Variants in RUFY4 observed in about 807,000 individuals in gnomAD.
RUFY4 encodes RUN and FYVE domain containing 4, also known as RUN and FYVE domain-containing protein 4.
In RUFY4, 73 loss-of-function variants were observed where a neutral mutation model predicts 69.0. The observed-to-expected ratio is 1.06, with a 90% CI of 0.88 to 1.29. The LOEUF (loss-of-function observed/expected upper bound fraction) is 1.29. Ranked by LOEUF, RUFY4 falls within the 50% of genes most tolerant of loss-of-function variation. RUFY4 has a pLI of 0.00. For synonymous variants in RUFY4, 287 were observed against 271.8 expected, an observed-to-expected ratio of 1.06 and a Z score of -0.55; for missense variants, 770 against 705.6, an observed-to-expected ratio of 1.09 and a Z score of -1.03.
intron 2 of RUFY4, among the ~76,000 whole-genome samples, chr2:218,049,491 T>C (rs1688897231): frequency 7.2e-6 from 1 of 138,318 alleles, no homozygotes; most frequent in Non-Finnish European, 1.5e-5. Flanking sequence ...TTGACTTCTT[T>C]TTTTCTTGCT....
At chr2:218,056,103 C>T (rs1476131374) in intron 2 of RUFY4, among the ~76,000 whole-genome samples, 1 of 152,206 alleles carries the variant, frequency 6.6e-6, no homozygotes, top group Non-Finnish European at 1.5e-5. Context: ...TCAGCTCACT[C>T]ACGGAATGCT....
intron 2 of RUFY4, among the ~76,000 whole-genome samples, chr2:218,044,683 G>T (rs555159569): frequency 3.3e-5 from 5 of 152,286 alleles, no homozygotes; most frequent in African/African-American, 9.6e-5. Context: ...TTATAAGTGA[G>T]AACACCAATA....
At chr2:218,083,926 C>T (rs1338912912) in intron 9 of RUFY4, among the ~76,000 whole-genome samples, 1 of 151,696 alleles carries the variant, frequency 6.6e-6, no homozygotes, top group Non-Finnish European at 1.5e-5. Context: ...AAAAAGACAC[C>T]AGGGAGAACC....
intron 8 of RUFY4, among the ~76,000 whole-genome samples, chr2:218,080,243 G>A (rs545746387): frequency 1.8e-4 from 28 of 152,300 alleles, no homozygotes; most frequent in South Asian, 1.0e-3. Context: ...GAGCAGGGGC[G>A]TTTCTCCGTC....
At position 218,053,364 on chromosome 2, in the gene RUFY4, G is replaced by GAAAA. The variant is rs1688987913; in HGVS notation, c.-1157-5228_-1157-5227insAAAA. Among the ~76,000 whole-genome samples the GAAAA allele has an allele frequency of 3.8e-5, 3 of 78,730 alleles. No individual in the cohort carries two copies. The Admixed American group carries it at 3.8e-4, about 10-fold the overall frequency. The allele number at this position is 78,730 out of a possible 152,430, so 51.6% of individuals were successfully genotyped here. ...ATTAAACCTTTTTTTTTTTTTTTTT[G>GAAAA]AAACAGGGTCTCACTTTGTCACTCA... On this transcript the variant is annotated intron_variant and NMD_transcript_variant, in intron 2 of 13. Coordinates refer to the RUFY4 transcript ENST00000457754.
exon 1 of RUFY4, chr2:218,070,560 A>G: frequency 6.6e-7 from 1 of 1,509,378 alleles, no homozygotes; most frequent in Non-Finnish European, 8.9e-7. Context: ...GTCCTTCCTG[A>G]GCTCACAGTC....
At chr2:218,077,739 T>G (rs562296461) in intron 8 of RUFY4, among the ~76,000 whole-genome samples, 1 of 151,928 alleles carries the variant, frequency 6.6e-6, no homozygotes, top group South Asian at 2.1e-4. Context: ...GGCTGTCTGC[T>G]TCGCAGGTGA....
chr2:218,051,862 ACTAC>A (rs1183430046), intron 2 of RUFY4, among the ~76,000 whole-genome samples: 1 of 152,160 alleles, frequency 6.6e-6, no homozygotes, highest in African/African-American at 2.4e-5. Context: ...AACAACAAAA[ACTAC>A]AGGAGGTTTG....
chr2:218,049,469 C>A (rs548792793), intron 2 of RUFY4, among the ~76,000 whole-genome samples: 1 of 151,766 alleles, frequency 6.6e-6, no homozygotes, highest in East Asian at 1.9e-4. Flanking sequence ...ATTGGAGCCC[C>A]TTCATATTTA....
At chr2:218,055,240 C>T (rs1267417844) in intron 2 of RUFY4, among the ~76,000 whole-genome samples, 2 of 152,014 alleles carry the variant, frequency 1.3e-5, no homozygotes, top group Non-Finnish European at 2.9e-5. Flanking sequence ...ACTAAAAATA[C>T]AAGAATTAGC....
intron 2 of RUFY4, among the ~76,000 whole-genome samples, chr2:218,071,266 C>T (rs1364860328): frequency 6.6e-6 from 1 of 152,162 alleles, no homozygotes; most frequent in Admixed American, 6.5e-5. Flanking sequence ...CTCTCGCCCT[C>T]TGAGACGCTT....
intron 3 of RUFY4, among the ~76,000 whole-genome samples, chr2:218,062,207 G>T (rs377440612): frequency 2.2e-3 from 334 of 152,194 alleles, no homozygotes; most frequent in African/African-American, 7.7e-3. Flanking sequence ...AAACCATCCT[G>T]GCTAACATGG....
At chr2:218,044,876 A>G (rs976058948) in intron 2 of RUFY4, among the ~76,000 whole-genome samples, 13 of 152,162 alleles carry the variant, frequency 8.5e-5, no homozygotes, top group African/African-American at 2.9e-4. Context: ...TGTCTTTGCT[A>G]TTGTGAATAG....
At chr2:218,048,697 C>T (rs920289110) in intron 2 of RUFY4, among the ~76,000 whole-genome samples, 6 of 151,876 alleles carry the variant, frequency 4.0e-5, no homozygotes, top group South Asian at 2.1e-4. Context: ...TTTTTTTAAT[C>T]GGTTATCTTT....
At chr2:218,088,310 C>T (rs895018072) in intron 9 of RUFY4, among the ~76,000 whole-genome samples, 1 of 151,722 alleles carries the variant, frequency 6.6e-6, no homozygotes, top group Non-Finnish European at 1.5e-5. Context: ...CCCATCCCTA[C>T]AAAAGATTAG....
chr2:218,051,934 C>G (rs1451887001), intron 2 of RUFY4, among the ~76,000 whole-genome samples: 2 of 152,052 alleles, frequency 1.3e-5, no homozygotes, highest in Non-Finnish European at 2.9e-5. Context: ...CACCTTTTTT[C>G]TATTTTAAAT....
intron 2 of RUFY4, among the ~76,000 whole-genome samples, chr2:218,053,934 C>A (rs916408413): frequency 6.6e-6 from 1 of 152,206 alleles, no homozygotes; most frequent in Non-Finnish European, 1.5e-5. Flanking sequence ...CCTGAGACAC[C>A]GCACCTGGCC....
At chr2:218,050,135 T>G (rs2106030845) in intron 2 of RUFY4, among the ~76,000 whole-genome samples, 1 of 152,292 alleles carries the variant, frequency 6.6e-6, no homozygotes, top group East Asian at 1.9e-4. Context: ...CATGGACCAG[T>G]CAGCAAGTAT....
intron 8 of RUFY4, among the ~76,000 whole-genome samples, chr2:218,076,958 C>T (rs537230464): frequency 6.6e-6 from 1 of 152,298 alleles, no homozygotes; most frequent in African/African-American, 2.4e-5. Flanking sequence ...CCTGTTATGC[C>T]ACCTCTCACC....
Sources: gnomAD v4.1 joint callset for allele counts (sites outside exome capture counted in the v4.1 genomes callset) on GRCh38, gnomAD v4.1.1 for gene constraint, MANE v1.5 for transcripts, NCBI Gene and HGNC (gene_info 2026-07-23, HGNC 2026-07-21) for gene names.